The following RTN4RL1 variants were observed in gnomAD, a reference collection of about 807,000 sequenced individuals.
The protein encoded by RTN4RL1 is reticulon 4 receptor like 1, also known as reticulon-4 receptor-like 1.
Under a neutral mutation model 25.6 loss-of-function variants are expected in RTN4RL1, and 7 were observed. The ratio of observed to expected loss-of-function variants is 0.27; its 90% CI spans 0.16 to 0.51. RTN4RL1 has a LOEUF of 0.51. Among genes scored for constraint, RTN4RL1 ranks in the 20% least tolerant of loss-of-function variants. The probability of loss-of-function intolerance (pLI) is 0.97; values close to 1 mark genes in which losing one functional copy is unlikely to be tolerated. For missense variants in RTN4RL1, 500 were observed against 615.6 expected, an observed-to-expected ratio of 0.81 and a Z score of 1.99; for synonymous variants, 297 against 288.2, an observed-to-expected ratio of 1.03 and a Z score of -0.31.
intron 1 of RTN4RL1, among the ~76,000 whole-genome samples, chr17:1,947,038 CTG>C (rs1232942447): frequency 1.9e-5 from 1 of 53,298 alleles, no homozygotes; most frequent in Non-Finnish European, 5.7e-5. Flanking sequence ...GCACATGTGT[CTG>C]TGTGCGTCTC....
chr17:2,021,988 A>G (rs2067213053), intron 1 of RTN4RL1, among the ~76,000 whole-genome samples: 1 of 150,226 alleles, frequency 6.7e-6, no homozygotes, highest in South Asian at 2.1e-4. Context: ...CCTCTCAAGT[A>G]GCTGGGACCA....
At chr17:2,007,548 G>T (rs1009184248) in intron 1 of RTN4RL1, among the ~76,000 whole-genome samples, 2 of 152,152 alleles carry the variant, frequency 1.3e-5, no homozygotes, top group Admixed American at 6.5e-5. Context: ...CACAAAGTGG[G>T]TAGGCCAGGC....
intron 1 of RTN4RL1, among the ~76,000 whole-genome samples, chr17:2,002,531 A>G (rs931337141): frequency 2.0e-5 from 3 of 151,332 alleles, no homozygotes; most frequent in African/African-American, 7.3e-5. Context: ...TGACCTCGTG[A>G]TCCGCCCACC....
intron 1 of RTN4RL1, among the ~76,000 whole-genome samples, chr17:1,958,366 C>T (rs1915831240): frequency 1.3e-5 from 2 of 152,240 alleles, no homozygotes; most frequent in Admixed American, 1.3e-4. Context: ...CCCCACCAGG[C>T]ACCCCGTCCC....
At chr17:1,957,311 CTGTT>C (rs1161016258) in intron 1 of RTN4RL1, among the ~76,000 whole-genome samples, 1 of 152,158 alleles carries the variant, frequency 6.6e-6, no homozygotes, top group African/African-American at 2.4e-5. Context: ...ACCCTTTCCT[CTGTT>C]TGCCTTCCCA....
chr17:1,988,514 AAAAAAAAAG>A (rs1422954566), intron 1 of RTN4RL1, among the ~76,000 whole-genome samples: 21 of 141,396 alleles, frequency 1.5e-4, no homozygotes, highest in African/African-American at 4.8e-4. Context: ...CTCAAAAAAA[AAAAAAAAAG>A]AAAAGAAAAG....
chr17:2,024,058 G>A (rs1295754027), intron 1 of RTN4RL1, among the ~76,000 whole-genome samples: 1 of 152,164 alleles, frequency 6.6e-6, no homozygotes, highest in Non-Finnish European at 1.5e-5. Flanking sequence ...GGGCCCGGGG[G>A]ACGGCGCCCC....
At chr17:1,997,250 C>T (rs1446912038) in intron 1 of RTN4RL1, among the ~76,000 whole-genome samples, 2 of 152,222 alleles carry the variant, frequency 1.3e-5, no homozygotes, top group Non-Finnish European at 2.9e-5. Flanking sequence ...ACCTCACTGG[C>T]CTTCCTCGCA....
chr17:2,016,191 G>A (rs1021314773), intron 1 of RTN4RL1, among the ~76,000 whole-genome samples: 5 of 152,130 alleles, frequency 3.3e-5, no homozygotes, highest in African/African-American at 1.2e-4. Flanking sequence ...GACCAGCCTG[G>A]CCAACATAGT....
chr17:1,999,776 G>A (rs2066948482), intron 1 of RTN4RL1, among the ~76,000 whole-genome samples: 1 of 152,252 alleles, frequency 6.6e-6, no homozygotes, highest in African/African-American at 2.4e-5. Context: ...TTTAAAGAGA[G>A]GCATTGCTGG....
chr17:1,986,748 T>A (rs1215210097), intron 1 of RTN4RL1, among the ~76,000 whole-genome samples: 2 of 147,358 alleles, frequency 1.4e-5, no homozygotes, highest in Non-Finnish European at 1.5e-5. Context: ...TAATAGCCAT[T>A]AAAAAAAAAA....
intron 1 of RTN4RL1, among the ~76,000 whole-genome samples, chr17:1,996,732 T>C (rs1033149379): frequency 3.3e-5 from 5 of 152,272 alleles, no homozygotes; most frequent in South Asian, 4.2e-4. Flanking sequence ...CTGGCGGAGA[T>C]ATCAGATCTG....
rs369962422 is a variant in RTN4RL1 at position 1,937,387 on chromosome 17, A to G, written c.435T>C (p.Phe145=). 10 of 1,613,574 alleles carry G rather than the reference A, an allele frequency of 6.2e-6. No homozygotes were observed. The African/African-American group carries it at 1.2e-4, about 19-fold the overall frequency. ...GGTACTGCAGGCTGTGCAGGCCGCC[A>G]AAGACGCCGGCCGGCAAGGCGCTGA... ...CGLSALPAGV[F]GGLHSLQYLY... The change falls in exon 2 of 2, where the codon TTT becomes TTC. Residue 145 remains phenylalanine (F), a synonymous_variant. Coordinates refer to ENST00000331238, the MANE Select transcript of RTN4RL1 (RefSeq NM_178568.4).
At position 2,005,243 on chromosome 17, in the gene RTN4RL1, G is replaced by C. The variant is rs139014645; in HGVS notation, c.13+19610C>G. Reference sequence around the variant, plus strand: ...GCTGTTCTCAAACTCCTGGGCTCAAGTGATCCTCCTGCCTCGGCTTCCCAA... The same window carrying C: ...GCTGTTCTCAAACTCCTGGGCTCAACTGATCCTCCTGCCTCGGCTTCCCAA... On this transcript the variant is annotated intron_variant, in intron 1 of 1. Transcript: ENST00000331238. Among the ~76,000 whole-genome samples the C allele has an allele frequency of 5.4e-3, 823 of 152,272 alleles. 11 individuals are homozygous for C. The highest frequency in any genetic ancestry group is 0.019 in the African/African-American group (776 of 41,554).
intron 1 of RTN4RL1, among the ~76,000 whole-genome samples, chr17:1,981,209 C>G (rs1010581349): frequency 2.0e-5 from 3 of 151,506 alleles, no homozygotes; most frequent in Non-Finnish European, 4.4e-5. Flanking sequence ...AAGGAGACTC[C>G]GTCCCTACAA....
chr17:1,952,331 G>GTTTTT lies in RTN4RL1; in HGVS notation c.14-14524_14-14523insAAAAA, dbSNP rs1213295319. 1.6e-3 allele frequency among the ~76,000 whole-genome samples: 164 copies of GTTTTT among 99,794 alleles called. 4 individuals carry two copies. Among genetic ancestry groups the GTTTTT allele is most frequent in the East Asian group, 4.0e-3 (17 of 4,238 alleles). The allele number at this position is 99,794 out of a possible 152,430, so 65.5% of individuals were successfully genotyped here. On this transcript the variant is annotated intron_variant, in intron 1 of 1. Coordinates refer to ENST00000331238, the MANE Select transcript of RTN4RL1 (RefSeq NM_178568.4). The stretch of plus-strand genomic sequence containing the variant: ...GGAGGGGCATGGGTCAAGGGAGGTT[G>GTTTTT]GTTTTTTTTTTTTTTTTTTTTTTGA...
intron 1 of RTN4RL1, among the ~76,000 whole-genome samples, chr17:2,024,111 C>T (rs777707036): frequency 2.6e-5 from 4 of 152,180 alleles, no homozygotes; most frequent in African/African-American, 7.2e-5. Flanking sequence ...TCCCCGGTGC[C>T]CGCACCAACT....
At chr17:2,015,968 G>A (rs754631469) in intron 1 of RTN4RL1, among the ~76,000 whole-genome samples, 1 of 152,166 alleles carries the variant, frequency 6.6e-6, no homozygotes, top group East Asian at 1.9e-4. Context: ...CTGGAGGGGC[G>A]GCCAGGGTGG....
intron 1 of RTN4RL1, among the ~76,000 whole-genome samples, chr17:1,947,511 G>A (rs532701574): frequency 2.0e-3 from 300 of 152,304 alleles, no homozygotes; most frequent in Non-Finnish European, 3.1e-3. Flanking sequence ...CTCCCGACAC[G>A]CTGAATTATG....
Sources: gnomAD v4.1 joint callset for allele counts (sites outside exome capture counted in the v4.1 genomes callset) on GRCh38, gnomAD v4.1.1 for gene constraint, MANE v1.5 for transcripts, NCBI Gene and HGNC (gene_info 2026-07-23, HGNC 2026-07-21) for gene names.